Variants in CIMIP2C observed in about 807,000 individuals in gnomAD.
The protein encoded by CIMIP2C is UPF0573 protein C2orf70.
At chr2:26,565,382 C>G in the CIMIP2C span, among the ~76,000 whole-genome samples, 1 of 152,182 alleles carries the variant, frequency 6.6e-6, no homozygotes, top group Non-Finnish European at 1.5e-5. Context: ...TGAGCCACCA[C>G]GCCTGGCCTT....
the CIMIP2C span, among the ~76,000 whole-genome samples, chr2:26,565,468 G>A: frequency 0.01 from 1,559 of 152,188 alleles, 13 homozygotes; most frequent in Non-Finnish European, 0.015. Flanking sequence ...GCAAGTTGCC[G>A]AGCCTCGGCT....
At chr2:26,569,063 A>C in the CIMIP2C span, among the ~76,000 whole-genome samples, 1 of 151,644 alleles carries the variant, frequency 6.6e-6, no homozygotes, top group African/African-American at 2.4e-5. Flanking sequence ...ATGAACTGAG[A>C]CATAGGAGAG....
At chr2:26,573,569 G>A in the CIMIP2C span, among the ~76,000 whole-genome samples, 7 of 152,180 alleles carry the variant, frequency 4.6e-5, no homozygotes, top group African/African-American at 1.2e-4. Flanking sequence ...CTCCTGAAGC[G>A]GCCAAGGTGA....
At chr2:26,577,825 G>A in the CIMIP2C span, 1 of 523,816 alleles carries the variant, frequency 1.9e-6, no homozygotes, top group Non-Finnish European at 3.3e-6. Flanking sequence ...GTGGTAGCCT[G>A]AATGGGCGAA....
At chr2:26,568,696 A>G in the CIMIP2C span, among the ~76,000 whole-genome samples, 1 of 152,208 alleles carries the variant, frequency 6.6e-6, no homozygotes, top group Non-Finnish European at 1.5e-5. Context: ...GATTAATAAG[A>G]AAGAATATTC....
chr2:26,575,902 G>C, the CIMIP2C span: 10 of 1,612,074 alleles, frequency 6.2e-6, no homozygotes, highest in African/African-American at 5.3e-5. Context: ...TGATCGGCAG[G>C]TACCAGGGCC....
the CIMIP2C span, among the ~76,000 whole-genome samples, chr2:26,572,821 G>C: frequency 6.6e-6 from 1 of 152,172 alleles, no homozygotes; most frequent in African/African-American, 2.4e-5. Context: ...AGGAGGGAGG[G>C]GAGAGGTGGG....
chr2:26,564,332 C>G, the CIMIP2C span, among the ~76,000 whole-genome samples: 3 of 152,224 alleles, frequency 2.0e-5, no homozygotes, highest in Non-Finnish European at 2.9e-5. Context: ...CCCACAGTTC[C>G]CCAACTCTGT....
the CIMIP2C span, among the ~76,000 whole-genome samples, chr2:26,564,914 T>G: frequency 6.6e-6 from 1 of 152,214 alleles, no homozygotes; most frequent in Non-Finnish European, 1.5e-5. Flanking sequence ...ATTGAAGTGC[T>G]GGGCTGGAGC....
chr2:26,563,024 G>T, the CIMIP2C span: 26 of 334,056 alleles, frequency 7.8e-5, no homozygotes, highest in African/African-American at 5.7e-4. Flanking sequence ...CGCCCCAGGC[G>T]GGCAGCCTCC....
chr2:26,576,162 C>T, the CIMIP2C span: 646 of 1,613,568 alleles, frequency 4.0e-4, no homozygotes, highest in African/African-American at 2.6e-3. Flanking sequence ...ACAGAGCTTA[C>T]GAATTTCTAC....
the CIMIP2C span, chr2:26,562,669 C>T: frequency 6.3e-7 from 1 of 1,579,050 alleles, no homozygotes; most frequent in South Asian, 1.2e-5. Flanking sequence ...CCTACGTGCC[C>T]CCTGGACTCA....
the CIMIP2C span, among the ~76,000 whole-genome samples, chr2:26,565,029 TCTTCTC>T: frequency 0.06 from 8,999 of 150,778 alleles, 402 homozygotes; most frequent in Non-Finnish European, 0.08. Flanking sequence ...TTCTTCTTCT[TCTTCTC>T]CTTCTCCTTC....
At chr2:26,564,628 G>A in the CIMIP2C span, among the ~76,000 whole-genome samples, 6 of 152,168 alleles carry the variant, frequency 3.9e-5, no homozygotes, top group Non-Finnish European at 8.8e-5. Flanking sequence ...ATGCTACCTC[G>A]TTGGCAATTC....
At chr2:26,569,011 A>AGAG in the CIMIP2C span, among the ~76,000 whole-genome samples, 2 of 46,720 alleles carry the variant, frequency 4.3e-5, no homozygotes, top group Non-Finnish European at 1.0e-4. Flanking sequence ...AGTGAGACTC[A>AGAG]GTCTCAAAAA....
the CIMIP2C span, chr2:26,563,251 C>T: frequency 6.6e-6 from 1 of 152,500 alleles, no homozygotes; most frequent in African/African-American, 2.4e-5. Flanking sequence ...CACAGACCTC[C>T]CTTTATCCTC....
chr2:26,564,387 T>G, the CIMIP2C span, among the ~76,000 whole-genome samples: 1 of 152,108 alleles, frequency 6.6e-6, no homozygotes, highest in Non-Finnish European at 1.5e-5. Context: ...GTCCCCAGGG[T>G]GCTTTCCTAT....
At chr2:26,573,839 T>C in the CIMIP2C span, among the ~76,000 whole-genome samples, 1 of 152,162 alleles carries the variant, frequency 6.6e-6, no homozygotes, top group South Asian at 2.1e-4. Flanking sequence ...TCATTGCAGC[T>C]CTGGCCCAGC....
At chr2:26,575,638 T>C in the CIMIP2C span, among the ~76,000 whole-genome samples, 9 of 152,126 alleles carry the variant, frequency 5.9e-5, no homozygotes, top group Non-Finnish European at 1.0e-4. Flanking sequence ...GGGCCAAAGA[T>C]GGCCACCGGG....
Sources: allele counts gnomAD v4.1 joint callset (sites outside exome capture counted in the v4.1 genomes callset), GRCh38; gene constraint gnomAD v4.1.1; transcripts MANE v1.5; gene names NCBI Gene and HGNC (gene_info 2026-07-23, HGNC 2026-07-21).